The following AGBL4 variants were observed in gnomAD, a reference collection of about 807,000 sequenced individuals.
The protein encoded by AGBL4 is AGBL carboxypeptidase 4.
In AGBL4, 58 loss-of-function variants were observed where a neutral mutation model predicts 66.4. That is an observed-to-expected ratio of 0.87 (90% confidence interval 0.71 to 1.09). The LOEUF is 1.09. Ranked by LOEUF, AGBL4 falls within the 50% of genes least tolerant of loss-of-function variation. The probability of loss-of-function intolerance (pLI) is 0.00; values close to 1 mark genes in which losing one functional copy is unlikely to be tolerated. For synonymous variants in AGBL4, 234 were observed against 222.9 expected (o/e 1.05, Z -0.44); for missense variants, 579 against 631.0 (o/e 0.92, Z 0.88).
chr1:48,886,577 G>C (rs1218675028), intron 5 of AGBL4, among the ~76,000 whole-genome samples: 1 of 151,928 alleles, frequency 6.6e-6, no homozygotes, highest in East Asian at 1.9e-4. Context: ...TTTTGAGGTG[G>C]AGTCTCACTC....
intron 5 of AGBL4, among the ~76,000 whole-genome samples, chr1:49,044,133 A>T (rs1286498500): frequency 2.0e-5 from 3 of 152,162 alleles, no homozygotes; most frequent in African/African-American, 7.2e-5. Context: ...GCTGACAACA[A>T]AGAGTAAAAC....
intron 3 of AGBL4, among the ~76,000 whole-genome samples, chr1:49,358,500 T>C (rs922515766): frequency 1.3e-5 from 2 of 152,178 alleles, no homozygotes; most frequent in African/African-American, 2.4e-5. Flanking sequence ...CATCTTATTA[T>C]TGGACAGTGA....
intron 5 of AGBL4, among the ~76,000 whole-genome samples, chr1:48,956,998 C>T (rs1317754417): frequency 3.3e-5 from 5 of 152,064 alleles, no homozygotes; most frequent in Non-Finnish European, 5.9e-5. Flanking sequence ...ACTAGTCAAT[C>T]AATTCCTAAC....
intron 4 of AGBL4, among the ~76,000 whole-genome samples, chr1:49,217,706 T>C (rs1185152878): frequency 6.6e-6 from 1 of 152,166 alleles, no homozygotes; most frequent in African/African-American, 2.4e-5. Flanking sequence ...AATGAGTGAA[T>C]AAACAAATGT....
intron 3 of AGBL4, among the ~76,000 whole-genome samples, chr1:49,560,421 C>G (rs1016936043): frequency 1.5e-4 from 23 of 151,896 alleles, no homozygotes; most frequent in Admixed American, 1.2e-3. Context: ...ATTTAAAATA[C>G]ACAGAGTATT....
chr1:48,764,721 A>C (rs1251885926), intron 6 of AGBL4, among the ~76,000 whole-genome samples: 1 of 152,206 alleles, frequency 6.6e-6, no homozygotes, highest in Non-Finnish European at 1.5e-5. Flanking sequence ...GCAAGCTGCT[A>C]CCTCACTGAG....
At chr1:49,850,746 T>A (rs188964821) in intron 2 of AGBL4, among the ~76,000 whole-genome samples, 1 of 152,220 alleles carries the variant, frequency 6.6e-6, no homozygotes, top group Non-Finnish European at 1.5e-5. Context: ...AAATTAATAA[T>A]TATTTGTAAA....
At chr1:48,883,493 G>A (rs1233592511) in intron 5 of AGBL4, among the ~76,000 whole-genome samples, 1 of 152,168 alleles carries the variant, frequency 6.6e-6, no homozygotes, top group African/African-American at 2.4e-5. Flanking sequence ...ATGATACAAC[G>A]TTACTTCTAT....
At chr1:48,911,287 A>G (rs761094745) in intron 5 of AGBL4, among the ~76,000 whole-genome samples, 8 of 152,140 alleles carry the variant, frequency 5.3e-5, no homozygotes, top group African/African-American at 1.7e-4. Flanking sequence ...TGTTTAAGAG[A>G]CTTCATCTCT....
At chr1:49,955,243 CT>C (rs1464972193) in intron 1 of AGBL4, among the ~76,000 whole-genome samples, 1 of 151,906 alleles carries the variant, frequency 6.6e-6, no homozygotes, top group Non-Finnish European at 1.5e-5. Context: ...TCTTGGCCAT[CT>C]AGATTCACCA....
intron 3 of AGBL4, among the ~76,000 whole-genome samples, chr1:49,653,095 G>T (rs1646042652): frequency 6.6e-6 from 1 of 152,094 alleles, no homozygotes; most frequent in Admixed American, 6.6e-5. Flanking sequence ...CTCTGAGACA[G>T]AGCTCCTACA....
At chr1:49,021,268 C>T (rs762428744) in intron 5 of AGBL4, among the ~76,000 whole-genome samples, 26 of 152,124 alleles carry the variant, frequency 1.7e-4, no homozygotes, top group Non-Finnish European at 3.2e-4. Flanking sequence ...GAATAATAAT[C>T]GCAACCTATT....
chr1:48,994,842 A>G (rs1269966119), intron 5 of AGBL4, among the ~76,000 whole-genome samples: 3 of 152,222 alleles, frequency 2.0e-5, no homozygotes, highest in African/African-American at 4.8e-5. Flanking sequence ...TATATTTCCT[A>G]TGCATAATTA....
At chr1:48,770,495 C>T (rs1036283474) in intron 6 of AGBL4, among the ~76,000 whole-genome samples, 3 of 152,090 alleles carry the variant, frequency 2.0e-5, no homozygotes, top group South Asian at 2.1e-4. Flanking sequence ...CTTTAAAAGC[C>T]GATGTTCTGC....
At chr1:49,779,639 C>G (rs937397331) in intron 2 of AGBL4, among the ~76,000 whole-genome samples, 5 of 152,160 alleles carry the variant, frequency 3.3e-5, no homozygotes, top group African/African-American at 1.2e-4. Flanking sequence ...ACGAGTATGG[C>G]TGGCATGGGA....
At chr1:49,468,094 A>G (rs1465745070) in intron 3 of AGBL4, among the ~76,000 whole-genome samples, 1 of 151,884 alleles carries the variant, frequency 6.6e-6, no homozygotes, top group Admixed American at 6.6e-5. Flanking sequence ...CTTCAACAAC[A>G]TAGGTAACAT....
At chr1:49,044,705 A>G (rs979346734) in intron 5 of AGBL4, among the ~76,000 whole-genome samples, 6 of 152,172 alleles carry the variant, frequency 3.9e-5, no homozygotes, top group African/African-American at 1.4e-4. Context: ...AGGGATCCTT[A>G]TAAGTGAAAG....
intron 6 of AGBL4, among the ~76,000 whole-genome samples, chr1:48,786,206 T>C (rs1204469568): frequency 6.6e-6 from 1 of 152,178 alleles, no homozygotes; most frequent in Non-Finnish European, 1.5e-5. Context: ...GAACTAATGA[T>C]TATTGATTTC....
Position 48,810,118 on chromosome 1 carries a change from C to T in AGBL4, c.634+57073G>A, listed in dbSNP as rs887843975. 3.9e-5 allele frequency among the ~76,000 whole-genome samples: 6 copies of T among 152,162 alleles called. No individual in the cohort carries two copies. In the South Asian group the frequency reaches 1.2e-3, roughly 31 times the overall value. On this transcript the variant is annotated intron_variant, in intron 6 of 13. Transcript: ENST00000371839. ...CTACTCATTTACTCATTCACTCATT[C>T]ACTCAACCAATCAACTAATAAACAT...
Sources: gnomAD v4.1 joint callset for allele counts (sites outside exome capture counted in the v4.1 genomes callset) on GRCh38, gnomAD v4.1.1 for gene constraint, MANE v1.5 for transcripts, NCBI Gene and HGNC (gene_info 2026-07-23, HGNC 2026-07-21) for gene names.